The following NPC1 variants were observed in gnomAD, a reference collection of about 807,000 sequenced individuals.
The protein encoded by NPC1 is NPC intracellular cholesterol transporter 1, also known as Niemann-Pick C1 protein.
NPC1 carries 85 observed loss-of-function variants against 140.4 expected under a neutral mutation model. The observed-to-expected ratio is 0.61, with a 90% CI of 0.51 to 0.72. The LOEUF (loss-of-function observed/expected upper bound fraction) is 0.72, where lower values mean the gene tolerates loss of function less well. Ranked by LOEUF, NPC1 falls within the 30% of genes least tolerant of loss-of-function variation. The pLI is 0.00. For missense variants in NPC1, 1,504 were observed against 1,623.8 expected, an observed-to-expected ratio of 0.93 and a Z score of 1.27; for synonymous variants, 656 against 624.8, an observed-to-expected ratio of 1.05 and a Z score of -0.74.
chr18:23,549,082 C>G (rs1293301868), intron 10 of NPC1, among the ~76,000 whole-genome samples: 2 of 152,070 alleles, frequency 1.3e-5, no homozygotes, highest in Non-Finnish European at 2.9e-5. Context: ...AGCCACTGCA[C>G]CTGGCTAGAA....
downstream of NPC1, chr18:23,520,147 C>T: frequency 7.3e-7 from 1 of 1,368,746 alleles, no homozygotes; most frequent in Non-Finnish European, 1.0e-6. Flanking sequence ...GGAATGAAAG[C>T]AACTGGGCAA....
intron 1 of NPC1, among the ~76,000 whole-genome samples, chr18:23,581,076 C>T (rs1188438806): frequency 2.0e-5 from 3 of 152,226 alleles, no homozygotes; most frequent in African/African-American, 7.2e-5. Flanking sequence ...CCTTTAGCTT[C>T]TGGTTTTTTA....
chr18:23,525,871 T>C (rs1258586299), downstream of NPC1, among the ~76,000 whole-genome samples: 3 of 152,250 alleles, frequency 2.0e-5, no homozygotes, highest in Non-Finnish European at 4.4e-5. Context: ...CTAAGAACTC[T>C]TGAGGAGAGA....
intron 15 of NPC1, 32 bp from the exon 16 acceptor site, chr18:23,541,240 C>T (rs1598948484): frequency 6.2e-7 from 1 of 1,614,192 alleles, no homozygotes; most frequent in Non-Finnish European, 8.5e-7. Context: ...AAGGTTATAC[C>T]CGCTAGCTGC....
At position 23,516,417 on chromosome 18, in the gene NPC1, C is replaced by T. The variant is rs201621222; in HGVS notation, c.432-9775G>A. On this transcript the variant is annotated intron_variant, in intron 3 of 3. Coordinates refer to the NPC1 transcript ENST00000591107. ...CTTTCCGAAAGAGACATCGCAATGGCTACCATGTATGTCCGTGTCAGAGAG... is the reference window on the plus strand; with the variant it reads ...CTTTCCGAAAGAGACATCGCAATGGTTACCATGTATGTCCGTGTCAGAGAG... The T allele has an allele frequency of 7.4e-6, 12 of 1,613,818 alleles. No individual in the cohort carries two copies. The East Asian group carries it at 2.5e-4, about 33-fold the overall frequency.
At position 23,573,310 on chromosome 18, in the gene NPC1, G is replaced by A. The variant is rs1306347735; in HGVS notation, c.180+142C>T. On this transcript the variant is annotated intron_variant, in intron 2 of 24. Coordinates refer to ENST00000269228, the MANE Select transcript of NPC1 (RefSeq NM_000271.5). ...TCTTTCTCTGCACTGTATGCCACAG[G>A]TTAGAGTTTGAGAGTCCGGGATAAG... 7.7e-6 allele frequency: 9 copies of A among 1,166,338 alleles called. No individual in the cohort carries two copies. The East Asian group carries it at 1.2e-4, about 15-fold the overall frequency. 72.2% of individuals were successfully genotyped at this position (1,166,338 alleles called of 1,614,324 possible).
At chr18:23,579,296 G>A (rs2145578532) in intron 1 of NPC1, among the ~76,000 whole-genome samples, 1 of 152,314 alleles carries the variant, frequency 6.6e-6, no homozygotes, top group Middle Eastern at 3.4e-3. Context: ...GAGCCTAGGT[G>A]TGTAATCCTT....
intron 4 of NPC1, among the ~76,000 whole-genome samples, chr18:23,564,719 G>T (rs1407961648): frequency 6.6e-6 from 1 of 151,994 alleles, no homozygotes; most frequent in Non-Finnish European, 1.5e-5. Context: ...CTTGTTTTTG[G>T]TGTCATATTT....
At chr18:23,512,564 G>A (rs955218985) in intron 3 of NPC1, among the ~76,000 whole-genome samples, 1 of 151,730 alleles carries the variant, frequency 6.6e-6, no homozygotes, top group Admixed American at 6.6e-5. Context: ...GGAACTACAG[G>A]TGTGTGCCAG....
intron 7 of NPC1, 53 bp from the exon 8 acceptor site, chr18:23,556,666 T>C: frequency 6.2e-7 from 1 of 1,605,818 alleles, no homozygotes; most frequent in Non-Finnish European, 8.5e-7. Context: ...AAGCCGTTCC[T>C]GAAAGTCGGA....
chr18:23,536,703 T>C lies in NPC1; in HGVS notation c.3215A>G (p.Asn1072Ser), dbSNP rs1366505622. 2 of 1,614,120 alleles carry C rather than the reference T, an allele frequency of 1.2e-6. No individual in the cohort carries two copies. The highest frequency in any genetic ancestry group is 2.2e-5 in the South Asian group (2 of 91,086). Residue 1072 changes from asparagine (N) to serine (S), a missense_variant, in exon 21 of 25, where the codon AAC becomes AGC. Coordinates refer to ENST00000269228, the MANE Select transcript of NPC1 (RefSeq NM_000271.5). ...ASNVTETMGI[N>S]GSAYRVFPYS... ...AGGAAATACTCGGTAGGCACTGCCG[T>C]TAATGCCCATGGTTTCGGTGACATT...
chr18:23,534,847 G>A (rs79886319), intron 22 of NPC1, among the ~76,000 whole-genome samples: 15 of 152,304 alleles, frequency 9.8e-5, no homozygotes, highest in Non-Finnish European at 2.1e-4. Flanking sequence ...CCGAGCTGGC[G>A]CATTGTCACA....
At chr18:23,548,873 C>T (rs527894608) in intron 10 of NPC1, among the ~76,000 whole-genome samples, 1 of 152,242 alleles carries the variant, frequency 6.6e-6, no homozygotes, top group East Asian at 1.9e-4. Flanking sequence ...TTTTTGTGGC[C>T]TTGACCACCC....
chr18:23,543,430 C>A, intron 14 of NPC1, 25 bp downstream of exon 14: 4 of 1,316,140 alleles, frequency 3.0e-6, no homozygotes, highest in Non-Finnish European at 4.4e-6. Context: ...GACTACAGGA[C>A]TGGTAGGATT....
chr18:23,539,512 G>A (rs923321256), intron 18 of NPC1, 42 bp from the exon 19 acceptor site: 1 of 1,372,644 alleles, frequency 7.3e-7, no homozygotes, highest in Non-Finnish European at 1.0e-6. Context: ...TCCACAGGGA[G>A]GAAGTCTTTA....
At chr18:23,515,664 C>G (rs952088325) in intron 3 of NPC1, among the ~76,000 whole-genome samples, 2 of 152,180 alleles carry the variant, frequency 1.3e-5, no homozygotes, top group Non-Finnish European at 2.9e-5. Flanking sequence ...TTCTGAGTAG[C>G]TGGAATTACA....
chr18:23,511,389 TG>T (rs1475132539), intron 3 of NPC1, among the ~76,000 whole-genome samples: 1 of 152,196 alleles, frequency 6.6e-6, no homozygotes, highest in Non-Finnish European at 1.5e-5. Context: ...ACTTAATACC[TG>T]GGTGATGAAA....
chr18:23,560,445 C>T lies in NPC1; in HGVS notation c.667G>A (p.Ala223Thr). The T allele has an allele frequency of 6.2e-7, 1 of 1,614,118 alleles. No individual in the cohort carries two copies. Among genetic ancestry groups the T allele is most frequent in the Non-Finnish European group, 8.5e-7 (1 of 1,180,008 alleles). ...ACAGACTCGTCACAGCCTTTGGTGG[C>T]ATTGTTCATGGGCTCCATCCCATGG... is the stretch of plus-strand genomic sequence containing the variant. ...PVHGMEPMNN[A>T]TKGCDESVDE... Residue 223 changes from alanine (A) to threonine (T), a missense_variant, in exon 6 of 25, where the codon GCC becomes ACC. Coordinates refer to ENST00000269228, the MANE Select transcript of NPC1 (RefSeq NM_000271.5).
chr18:23,576,466 G>A, intron 1 of NPC1: 1 of 985,990 alleles, frequency 1.0e-6, no homozygotes, highest in Non-Finnish European at 1.2e-6. Context: ...AAGCCAGCAG[G>A]ACCCAAAGAC....
Sources: allele counts gnomAD v4.1 joint callset (sites outside exome capture counted in the v4.1 genomes callset), GRCh38; gene constraint gnomAD v4.1.1; transcripts MANE v1.5; gene names NCBI Gene and HGNC (gene_info 2026-07-23, HGNC 2026-07-21).